Variants in NAV2 observed in about 807,000 individuals in gnomAD.
NAV2 encodes the protein neuron navigator 2.
In NAV2, 54 loss-of-function variants were observed where a neutral mutation model predicts 223.2. The observed-to-expected ratio is 0.24, with a 90% CI of 0.19 to 0.30. The LOEUF (loss-of-function observed/expected upper bound fraction) is 0.30, where lower values mean the gene tolerates loss of function less well. Among genes scored for constraint, NAV2 ranks in the 10% least tolerant of loss-of-function variants. The pLI, the probability that NAV2 is intolerant of heterozygous loss-of-function variation, is 1.00. For synonymous variants in NAV2, 1,279 were observed against 1,239.3 expected (o/e 1.03, Z -0.67); for missense variants, 2,806 against 3,147.5 (o/e 0.89, Z 2.60).
intron 1 of NAV2, among the ~76,000 whole-genome samples, chr11:19,818,847 A>G (rs1244907212): frequency 6.6e-6 from 1 of 152,146 alleles, no homozygotes; most frequent in Admixed American, 6.5e-5. Context: ...GGTTTTATGG[A>G]CTTTATAATC....
chr11:19,429,212 T>C (rs1266063375), intron 1 of NAV2, among the ~76,000 whole-genome samples: 2 of 152,224 alleles, frequency 1.3e-5, no homozygotes, highest in Non-Finnish European at 2.9e-5. Context: ...GCTCTAATCA[T>C]AGTTCCTGGA....
chr11:19,558,503 C>T (rs1295578532), intron 1 of NAV2, among the ~76,000 whole-genome samples: 1 of 152,224 alleles, frequency 6.6e-6, no homozygotes, highest in Non-Finnish European at 1.5e-5. Context: ...AGCCAACAAA[C>T]AAGACATGGG....
chr11:19,538,570 T>C lies in NAV2; in HGVS notation c.75+187543T>C, dbSNP rs1328933319. Among the ~76,000 whole-genome samples, 3 of 152,034 alleles carry C rather than the reference T, an allele frequency of 2.0e-5. No individual in the cohort carries two copies. The East Asian group carries it at 5.8e-4, about 29-fold the overall frequency. ...AGTCTCACTGTGTTTTCCTGGCTGA[T>C]CTTGAATTCCTGGGCTCAAGCAATC... On this transcript the variant is annotated intron_variant, in intron 1 of 37. Transcript: ENST00000360655.
intron 11 of NAV2, among the ~76,000 whole-genome samples, chr11:19,986,903 A>G (rs1288658660): frequency 6.6e-6 from 1 of 152,254 alleles, no homozygotes; most frequent in African/African-American, 2.4e-5. Context: ...TAAATCGCAA[A>G]TTTAGTCTCA....
At position 19,445,798 on chromosome 11, in the gene NAV2, GA is replaced by G. The variant is rs574645319; in HGVS notation, c.75+94773del. 2.1e-3 allele frequency among the ~76,000 whole-genome samples: 319 copies of G among 149,906 alleles called. 1 individual carries two copies. Among genetic ancestry groups the G allele is most frequent in the African/African-American group, 7.6e-3 (307 of 40,640 alleles). ...AATAAGAGAGAAAGGGAGATGGAGG[GA>G]AGTTACATGTGCCAGGTACCATATT... On this transcript the variant is annotated intron_variant, in intron 1 of 37. Coordinates refer to the NAV2 transcript ENST00000360655.
At chr11:19,590,161 C>A (rs2046018621) in intron 1 of NAV2, among the ~76,000 whole-genome samples, 1 of 152,200 alleles carries the variant, frequency 6.6e-6, no homozygotes, top group Non-Finnish European at 1.5e-5. Flanking sequence ...GCTTTTAGAG[C>A]TGCTGCGAGG....
At chr11:19,804,202 A>T (rs950708250) in intron 1 of NAV2, among the ~76,000 whole-genome samples, 5 of 152,188 alleles carry the variant, frequency 3.3e-5, no homozygotes, top group Non-Finnish European at 7.3e-5. Flanking sequence ...TCGTTTTATA[A>T]GTCTCCATTG....
At chr11:19,815,556 C>G (rs1239884384) in intron 1 of NAV2, among the ~76,000 whole-genome samples, 1 of 152,234 alleles carries the variant, frequency 6.6e-6, no homozygotes, top group Non-Finnish European at 1.5e-5. Flanking sequence ...ACATAGAATT[C>G]AAATTCCCAT....
intron 1 of NAV2, among the ~76,000 whole-genome samples, chr11:19,821,326 G>GAT (rs2059370992): frequency 6.6e-6 from 1 of 151,274 alleles, no homozygotes; most frequent in South Asian, 2.1e-4. Context: ...CTGAGGTGTG[G>GAT]ATGAAGCAGG....
intron 6 of NAV2, among the ~76,000 whole-genome samples, chr11:19,919,669 T>A (rs2153227360): frequency 6.6e-6 from 1 of 152,336 alleles, no homozygotes; most frequent in Non-Finnish European, 1.5e-5. Flanking sequence ...CACCAAAATT[T>A]GGTGTAGCTA....
intron 1 of NAV2, among the ~76,000 whole-genome samples, chr11:19,803,447 C>A (rs1048511650): frequency 6.6e-6 from 1 of 152,236 alleles, no homozygotes; most frequent in African/African-American, 2.4e-5. Context: ...TCCACTTTCC[C>A]ACTGAAATGG....
intron 1 of NAV2, among the ~76,000 whole-genome samples, chr11:19,397,592 A>G (rs1326129172): frequency 2.0e-5 from 3 of 152,236 alleles, no homozygotes; most frequent in Middle Eastern, 6.8e-3. Flanking sequence ...TTATTTTTGC[A>G]TGTATATTTA....
chr11:19,668,932 A>G (rs1292495766), intron 1 of NAV2, among the ~76,000 whole-genome samples: 1 of 152,170 alleles, frequency 6.6e-6, no homozygotes, highest in Non-Finnish European at 1.5e-5. Flanking sequence ...TGACAGGCCT[A>G]TGGGAGACAA....
intron 1 of NAV2, among the ~76,000 whole-genome samples, chr11:19,787,224 G>GAGACTAT (rs1043461828): frequency 6.8e-6 from 1 of 147,818 alleles, no homozygotes; most frequent in Non-Finnish European, 1.5e-5. Flanking sequence ...CTGAGTAGCT[G>GAGACTAT]AGACTATAGG....
chr11:19,617,720 C>G (rs1215387496), intron 1 of NAV2, among the ~76,000 whole-genome samples: 1 of 152,190 alleles, frequency 6.6e-6, no homozygotes, highest in Non-Finnish European at 1.5e-5. Context: ...TGAAAAGAAG[C>G]AGTACAACAA....
At chr11:20,015,598 T>C (rs551048393) in intron 11 of NAV2, among the ~76,000 whole-genome samples, 3 of 152,282 alleles carry the variant, frequency 2.0e-5, no homozygotes, top group African/African-American at 7.2e-5. Flanking sequence ...TGTTTTTTAT[T>C]TGACTGCTTG....
chr11:20,014,677 G>A (rs1487147178), intron 11 of NAV2, among the ~76,000 whole-genome samples: 1 of 152,144 alleles, frequency 6.6e-6, no homozygotes, highest in African/African-American at 2.4e-5. Context: ...CAAGGCAGGT[G>A]GATCACCTGA....
intron 2 of NAV2, among the ~76,000 whole-genome samples, chr11:19,833,073 T>C (rs2060037415): frequency 6.6e-6 from 1 of 152,230 alleles, no homozygotes; most frequent in Non-Finnish European, 1.5e-5. Flanking sequence ...TCCGGGTTAA[T>C]ACTAGGGGAA....
chr11:19,695,723 G>A (rs745459761), intron 1 of NAV2, among the ~76,000 whole-genome samples: 1 of 151,918 alleles, frequency 6.6e-6, no homozygotes, highest in East Asian at 1.9e-4. Context: ...GGCCAACATG[G>A]TGAAACCCAA....
Sources: allele counts gnomAD v4.1 joint callset (sites outside exome capture counted in the v4.1 genomes callset), GRCh38; gene constraint gnomAD v4.1.1; transcripts MANE v1.5; gene names NCBI Gene and HGNC (gene_info 2026-07-23, HGNC 2026-07-21).